Variants in YLPM1 observed in about 807,000 individuals in gnomAD.
YLPM1 encodes the protein YLP motif containing 1, also known as YLP motif-containing protein 1.
A neutral mutation model predicts 230.0 loss-of-function variants in YLPM1; 99 were observed. The observed-to-expected ratio is 0.43, with a 90% CI of 0.37 to 0.51. YLPM1 has a LOEUF of 0.51. Ranked by LOEUF, YLPM1 falls within the 20% of genes least tolerant of loss-of-function variation. YLPM1 has a pLI of 0.00. For synonymous variants in YLPM1, 984 were observed against 942.5 expected (o/e 1.04, Z -0.81); for missense variants, 2,592 against 2,707.7 (o/e 0.96, Z 0.95).
At chr14:74,768,899 G>T (rs1327081236) in intron 1 of YLPM1, among the ~76,000 whole-genome samples, 13 of 147,512 alleles carry the variant, frequency 8.8e-5, no homozygotes, top group South Asian at 8.6e-4. Context: ...TTTGTTTTTT[G>T]TTTTTTTTTT....
Position 74,764,308 on chromosome 14 carries a change from T to G in YLPM1, c.819T>G (p.Ser273Arg), listed in dbSNP as rs1162470301. 2 of 1,612,394 alleles carry G rather than the reference T, an allele frequency of 1.2e-6. No individual in the cohort carries two copies. The highest frequency in any genetic ancestry group is 1.7e-6 in the Non-Finnish European group (2 of 1,179,586). The change falls in exon 1 of 21, where the codon AGT (serine) becomes AGG (arginine). Residue 273 changes from serine (S) to arginine (R), a missense_variant. Ser to Arg is a moderately radical substitution (Grantham distance 110, BLOSUM62 -1). Transcript: ENST00000325680. ...EPLESGAKNKSTEQQQAAPEP... is the reference protein window; with the variant it reads ...EPLESGAKNKRTEQQQAAPEP... ...TGGAGAGTGGGGCCAAAAACAAGAGTACTGAACAGCAGCAAGCCGCCCCTG... is the reference window on the plus strand; with the variant it reads ...TGGAGAGTGGGGCCAAAAACAAGAGGACTGAACAGCAGCAAGCCGCCCCTG...
chr14:74,780,473 C>T lies in YLPM1; in HGVS notation c.1179C>T (p.His393=), dbSNP rs2091081885. The T allele has an allele frequency of 6.2e-7, 1 of 1,613,818 alleles. No individual in the cohort carries two copies. Among genetic ancestry groups the T allele is most frequent in the South Asian group, 1.1e-5 (1 of 91,074 alleles). ...CTGCAGCAGCACACTGGCAGCAGCACCAGCAGCATCGAGTCGGTTTCCAGT... is the reference window on the plus strand; with the variant it reads ...CTGCAGCAGCACACTGGCAGCAGCATCAGCAGCATCGAGTCGGTTTCCAGT... ...LQAAAAHWQQ[H]QQHRVGFQYQ... is the part of the protein sequence containing the mutation. The change falls in exon 3 of 21, where the codon CAC becomes CAT. Residue 393 remains histidine (H), a synonymous_variant. Coordinates refer to ENST00000325680, the MANE Select transcript of YLPM1 (RefSeq NM_019589.3).
intron 18 of YLPM1, chr14:74,828,116 A>G: frequency 1.6e-6 from 1 of 621,504 alleles, no homozygotes; most frequent in Non-Finnish European, 2.0e-6. Flanking sequence ...AAACTTTTAT[A>G]TTTGAAACGT....
chr14:74,786,532 G>T (rs910156288), intron 4 of YLPM1, among the ~76,000 whole-genome samples: 16 of 152,132 alleles, frequency 1.1e-4, no homozygotes, highest in African/African-American at 3.9e-4. Context: ...AACTTCATGT[G>T]AGTGAAATAA....
intron 18 of YLPM1, 38 bp downstream of exon 18, chr14:74,824,345 C>A: frequency 6.3e-7 from 1 of 1,591,170 alleles, no homozygotes; most frequent in Non-Finnish European, 8.6e-7. Context: ...TATGTGATAC[C>A]TGATGGTAAT....
chr14:74,763,694 C>CAGA lies in YLPM1; in HGVS notation c.208_210dup (p.Lys70dup). Reference sequence around the variant, plus strand: ...GCTCCAGCAGCTGCAGCAGATGCACCAGAAGCAAATGCAGTGCGTGCTTCA... The same window carrying CAGA: ...GCTCCAGCAGCTGCAGCAGATGCACCAGAAGAAGCAAATGCAGTGCGTGCTTCA... On this transcript the variant is annotated inframe_insertion, in exon 1 of 21. Transcript: ENST00000325680. The CAGA allele has an allele frequency of 6.4e-7, 1 of 1,567,448 alleles. No homozygotes were observed. The highest frequency in any genetic ancestry group is 8.7e-7 in the Non-Finnish European group (1 of 1,152,570).
At chr14:74,780,294 C>T in intron 2 of YLPM1, 111 bp from the exon 3 acceptor site, 1 of 1,327,260 alleles carries the variant, frequency 7.5e-7, no homozygotes, top group African/African-American at 1.5e-5. Flanking sequence ...CTGTGTTTGA[C>T]AGTTGGATAT....
At chr14:74,822,031 TA>T (rs1283364594) in intron 17 of YLPM1, 1 of 152,206 alleles carries the variant, frequency 6.6e-6, no homozygotes, top group East Asian at 1.9e-4. Flanking sequence ...GGACTCTTGA[TA>T]AAAACTGTGT....
At chr14:74,834,997 A>T (rs950821978) in intron 19 of YLPM1, 5 of 338,122 alleles carry the variant, frequency 1.5e-5, no homozygotes, top group Admixed American at 8.7e-5. Flanking sequence ...GAATTATTAA[A>T]TAAAAAGGAA....
At chr14:74,833,951 A>G (rs1296890603) in intron 19 of YLPM1, among the ~76,000 whole-genome samples, 1 of 152,196 alleles carries the variant, frequency 6.6e-6, no homozygotes, top group Non-Finnish European at 1.5e-5. Flanking sequence ...CATTCTCTGC[A>G]GTCTTTGATA....
intron 4 of YLPM1, among the ~76,000 whole-genome samples, chr14:74,796,175 C>G (rs2091258652): frequency 6.6e-6 from 1 of 152,240 alleles, no homozygotes; most frequent in Non-Finnish European, 1.5e-5. Flanking sequence ...CCAGTAGTCT[C>G]TGCCACATGA....
intron 4 of YLPM1, among the ~76,000 whole-genome samples, chr14:74,794,059 A>T (rs1211429024): frequency 6.6e-6 from 1 of 151,830 alleles, no homozygotes; most frequent in African/African-American, 2.4e-5. Flanking sequence ...TACAAACAAG[A>T]TTTTCATCTT....
intron 4 of YLPM1, among the ~76,000 whole-genome samples, chr14:74,786,208 C>T (rs139923682): frequency 6.9e-4 from 105 of 151,732 alleles, no homozygotes; most frequent in African/African-American, 2.4e-3. Context: ...CTAAAAAATA[C>T]TAAAATTAGC....
chr14:74,768,093 AC>A (rs2090931414), intron 1 of YLPM1, among the ~76,000 whole-genome samples: 1 of 152,108 alleles, frequency 6.6e-6, no homozygotes, highest in Non-Finnish European at 1.5e-5. Flanking sequence ...CATTTCTTCC[AC>A]AGTTACTATA....
chr14:74,773,747 GTCTT>G (rs2091003378), intron 1 of YLPM1, among the ~76,000 whole-genome samples: 1 of 104,496 alleles, frequency 9.6e-6, no homozygotes, highest in Non-Finnish European at 1.8e-5. Flanking sequence ...TTGAGACAGA[GTCTT>G]TCTCTGTTGC....
At chr14:74,773,665 T>A (rs2091001856) in intron 1 of YLPM1, among the ~76,000 whole-genome samples, 1 of 151,900 alleles carries the variant, frequency 6.6e-6, no homozygotes, top group Non-Finnish European at 1.5e-5. Flanking sequence ...GCTACATTAT[T>A]ATTATTATTG....
chr14:74,834,561 T>C (rs1443488118), intron 19 of YLPM1, among the ~76,000 whole-genome samples: 1 of 152,090 alleles, frequency 6.6e-6, no homozygotes, highest in Non-Finnish European at 1.5e-5. Flanking sequence ...TGGAAAGCAG[T>C]GATTATTTGA....
intron 11 of YLPM1, 31 bp from the exon 12 acceptor site, chr14:74,816,170 ATT>A (rs5809679): frequency 0.13 from 172,502 of 1,278,088 alleles, 1 homozygote; most frequent in South Asian, 0.16. Context: ...TCTCTCAGTG[ATT>A]TTTTTTTTTT....
At chr14:74,803,645 G>C (rs780219551) in intron 6 of YLPM1, among the ~76,000 whole-genome samples, 5 of 151,948 alleles carry the variant, frequency 3.3e-5, no homozygotes, top group Non-Finnish European at 5.9e-5. Flanking sequence ...ATTCAAAATG[G>C]GGCTCGTTAT....
Sources: allele counts gnomAD v4.1 joint callset (sites outside exome capture counted in the v4.1 genomes callset), GRCh38; gene constraint gnomAD v4.1.1; transcripts MANE v1.5; gene names NCBI Gene and HGNC (gene_info 2026-07-23, HGNC 2026-07-21).